Variants in IQSEC1 observed in about 807,000 individuals in gnomAD.
IQSEC1 encodes IQ motif and SEC7 domain-containing protein 1.
Under a neutral mutation model 91.0 loss-of-function variants are expected in IQSEC1, and 31 were observed. The observed-to-expected ratio is 0.34, with a 90% confidence interval of 0.26 to 0.46. The LOEUF is 0.46. Among genes scored for constraint, IQSEC1 ranks in the 20% least tolerant of loss-of-function variants. The pLI, the probability that IQSEC1 is intolerant of heterozygous loss-of-function variation, is 1.00. For synonymous variants in IQSEC1, 699 were observed against 662.6 expected, an observed-to-expected ratio of 1.05 and a Z score of -0.84; for missense variants, 1,388 against 1,575.6, an observed-to-expected ratio of 0.88 and a Z score of 2.02.
chr3:13,071,638 G>A (rs77172598), intron 1 of IQSEC1, among the ~76,000 whole-genome samples: 2,097 of 152,296 alleles, frequency 0.014, 46 homozygotes, highest in African/African-American at 0.047. Context: ...TGCTCTGCTC[G>A]CATCGACAAA....
Position 12,913,550 on chromosome 3 carries a change from G to A in IQSEC1, c.2194C>T (p.Leu732Phe), listed in dbSNP as rs751976525. Residue 732 changes from leucine to phenylalanine, a missense_variant, in exon 9 of 14, where the codon CTC (leucine) becomes TTC (phenylalanine). Coordinates refer to ENST00000613206, the MANE Select transcript of IQSEC1 (RefSeq NM_001134382.3). ...GSLHPGLGCV[L>F]SLPHRRLVCY... is the part of the protein sequence containing the mutation. ...ACCAACCGACGGTGGGGCAGAGAGA[G>A]CACCTGTGTGGGAAGAGGCTGTCCT... 3 of 1,602,650 alleles carry A rather than the reference G, an allele frequency of 1.9e-6. No homozygotes were observed. Among genetic ancestry groups the A allele is most frequent in the East Asian group, 4.5e-5 (2 of 44,272 alleles).
Position 12,924,796 on chromosome 3 carries a change from C to T in IQSEC1, c.1569-54G>A, listed in dbSNP as rs1696968408. ...CCCAGCTGCCCGGCCACCAGCCAGG[C>T]ACCTGGAGGGGATCTCCGCTCAGTG... On this transcript the variant is annotated intron_variant, in intron 3 of 13. Transcript: ENST00000613206. The surrounding 1 kb of genome is among the most constrained non-coding windows in gnomAD (Gnocchi z 6.3). The T allele has an allele frequency of 2.7e-6, 4 of 1,489,494 alleles. No individual in the cohort carries two copies. Among genetic ancestry groups the T allele is most frequent in the Non-Finnish European group, 2.7e-6 (3 of 1,107,714 alleles). The allele number at this position is 1,489,494 out of a possible 1,614,324, so 92.3% of individuals were successfully genotyped here. A position where few individuals can be genotyped will look rare whatever the true frequency, so the allele number is the denominator to read the frequency against.
At chr3:13,237,627 G>A (rs919897694) in intron 1 of IQSEC1, among the ~76,000 whole-genome samples, 1 of 152,236 alleles carries the variant, frequency 6.6e-6, no homozygotes, top group Non-Finnish European at 1.5e-5. Context: ...AAGGCTGCAA[G>A]GCAGGACTCC....
intron 2 of IQSEC1, among the ~76,000 whole-genome samples, chr3:13,141,680 C>T (rs1706801283): frequency 6.6e-6 from 1 of 152,180 alleles, no homozygotes. Context: ...ACTGGGTATC[C>T]CTCAGAGGGA....
In IQSEC1 at chr3:12,935,932, G is replaced by A. The variant is rs181320071; in HGVS notation, c.1084C>T (p.His362Tyr). ...ERQEQRLRVE[H>Y]LPLLTIEPPS... ...GGCTCGATGGTGAGCAGCGGCAGATGCTCCACCCGCAGCCGCTGCTCCTGC... is the reference window on the plus strand; with the variant it reads ...GGCTCGATGGTGAGCAGCGGCAGATACTCCACCCGCAGCCGCTGCTCCTGC... Residue 362 changes from histidine to tyrosine, a missense_variant, in exon 3 of 14, where the codon CAT (histidine) becomes TAT (tyrosine). Around this residue, in one of 2 missense-constraint regions of IQSEC1, gnomAD observed 1,059 missense variants for 1,317.8 expected, o/e 0.80. Transcript: ENST00000613206. The surrounding 1 kb of genome is among the most constrained non-coding windows in gnomAD (Gnocchi z 8.0). 2 of 1,598,948 alleles carry A rather than the reference G, an allele frequency of 1.3e-6. No individual in the cohort carries two copies. The highest frequency in any genetic ancestry group is 1.7e-6 in the Non-Finnish European group (2 of 1,179,342).
chr3:13,061,755 T>A (rs545686222), intron 1 of IQSEC1, among the ~76,000 whole-genome samples: 50 of 152,166 alleles, frequency 3.3e-4, no homozygotes, highest in African/African-American at 1.2e-3. Flanking sequence ...CTCCTCTAAC[T>A]CCAAGCAAAG....
chr3:13,234,230 G>C (rs1694883745), intron 1 of IQSEC1, among the ~76,000 whole-genome samples: 1 of 150,888 alleles, frequency 6.6e-6, no homozygotes, highest in Non-Finnish European at 1.5e-5. Context: ...CCCCGTGTCT[G>C]TGCCTGTGGG....
At position 12,899,934 on chromosome 3, in the gene IQSEC1, AAT is replaced by A; in HGVS notation, c.*1047_*1048del. 2 of 985,064 alleles carry A rather than the reference AAT, an allele frequency of 2.0e-6. No individual in the cohort carries two copies. Among genetic ancestry groups the A allele is most frequent in the Non-Finnish European group, 2.4e-6 (2 of 829,760 alleles). 61.0% of individuals were successfully genotyped at this position (985,064 alleles called of 1,614,324 possible). A position where few individuals can be genotyped will look rare whatever the true frequency, so the allele number is the denominator to read the frequency against. On this transcript the variant is annotated 3_prime_UTR_variant, in exon 14 of 14. Transcript: ENST00000613206. The stretch of plus-strand genomic sequence containing the variant: ...TGGGTGCCCCTCTCGGAGGACTCTG[AAT>A]GAGTGTGCGTCAAATCATATGCGCA...
chr3:12,930,866 A>T (rs116149688), intron 3 of IQSEC1, among the ~76,000 whole-genome samples: 500 of 152,164 alleles, frequency 3.3e-3, no homozygotes, highest in Middle Eastern at 0.02. Flanking sequence ...GGGGGTGAGG[A>T]TAGACTCACC....
chr3:12,926,317 A>C (rs1454090926), intron 3 of IQSEC1, among the ~76,000 whole-genome samples: 1 of 152,084 alleles, frequency 6.6e-6, no homozygotes, highest in Non-Finnish European at 1.5e-5. Context: ...GTCAAAAAAA[A>C]AAAAAACAAA....
At position 13,214,722 on chromosome 3, in the gene IQSEC1, G is replaced by C. The variant is rs75157823; in HGVS notation, c.273-50589C>G. Among the ~76,000 whole-genome samples the C allele has an allele frequency of 0.059, 8,953 of 152,364 alleles. 391 individuals carry two copies. The highest frequency in any genetic ancestry group is 0.093 in the Non-Finnish European group (6,293 of 68,024). ...GGTGGAGCACGGTCTCCAGGGAGCGGTGTTGAGGTCTCAGCTGGGCACCAT... is the reference window on the plus strand; with the variant it reads ...GGTGGAGCACGGTCTCCAGGGAGCGCTGTTGAGGTCTCAGCTGGGCACCAT... On this transcript the variant is annotated intron_variant, in intron 1 of 15. Coordinates refer to the IQSEC1 transcript ENST00000648114. The surrounding 1 kb of genome is among the most constrained non-coding windows in gnomAD (Gnocchi z 4.5).
At chr3:12,951,781 G>A (rs1300719540) in intron 1 of IQSEC1, among the ~76,000 whole-genome samples, 1 of 152,172 alleles carries the variant, frequency 6.6e-6, no homozygotes, top group African/African-American at 2.4e-5. Context: ...TGACCGGGTG[G>A]TGAGGAGGAG....
chr3:13,061,491 C>T (rs2125089206), intron 1 of IQSEC1, among the ~76,000 whole-genome samples: 1 of 152,312 alleles, frequency 6.6e-6, no homozygotes, highest in Non-Finnish European at 1.5e-5. Context: ...CCCAGTGGTG[C>T]AGCTGGATCC....
intron 1 of IQSEC1, among the ~76,000 whole-genome samples, chr3:12,946,378 T>G (rs1368401872): frequency 6.6e-6 from 1 of 152,222 alleles, no homozygotes; most frequent in Non-Finnish European, 1.5e-5. Context: ...GACCAAGGAA[T>G]GGGCCGAGGC....
rs1352658215 is a variant in IQSEC1, at chr3:13,263,411, C to A, written c.272+19300G>T. On this transcript the variant is annotated intron_variant, in intron 1 of 15. Transcript: ENST00000648114. ...CCCTCCTTTGGGGGGAAAAAAGTAC[C>A]TGACACTTTTTTTTTTGGGGGGGGG... 2.2e-5 allele frequency among the ~76,000 whole-genome samples: 3 copies of A among 134,966 alleles called. No homozygotes were observed. The Admixed American group carries it at 2.5e-4, about 11-fold the overall frequency. The allele number at this position is 134,966 out of a possible 152,430, so 88.5% of individuals were successfully genotyped here. A position where few individuals can be genotyped will look rare whatever the true frequency, so the allele number is the denominator to read the frequency against.
rs986381572 is a variant in IQSEC1 at position 12,908,120 on chromosome 3, T to C, written c.2755+229A>G. On this transcript the variant is annotated intron_variant, in intron 12 of 13. Coordinates refer to ENST00000613206, the MANE Select transcript of IQSEC1 (RefSeq NM_001134382.3). The surrounding 1 kb of genome is among the most constrained non-coding windows in gnomAD (Gnocchi z 4.9). ...AAATGGGGGTGACTTCCCCAGCTAA[T>C]TCGTGTGCAATGCCTTTCTTTTTGA... is the stretch of plus-strand genomic sequence containing the variant. 6.6e-6 allele frequency among the ~76,000 whole-genome samples: 1 copy of C among 152,232 alleles called. No homozygotes were observed. Among genetic ancestry groups the C allele is most frequent in the Non-Finnish European group, 1.5e-5 (1 of 68,040 alleles).
chr3:12,908,858 A>G lies in IQSEC1; in HGVS notation c.2579-333T>C, dbSNP rs2125070612. Among the ~76,000 whole-genome samples, 1 of 152,050 alleles carries G rather than the reference A, an allele frequency of 6.6e-6. No individual in the cohort carries two copies. The highest frequency in any genetic ancestry group is 6.5e-5 in the Admixed American group (1 of 15,292). On this transcript the variant is annotated intron_variant, in intron 11 of 13. Coordinates refer to ENST00000613206, the MANE Select transcript of IQSEC1 (RefSeq NM_001134382.3). The surrounding 1 kb of genome is among the most constrained non-coding windows in gnomAD (Gnocchi z 4.9). ...GGTCTTCCACAGAGAGGGCAGTGGT[A>G]GGGAGTCCCATGTGCCTCCAAGGAG... is the stretch of plus-strand genomic sequence containing the variant.
chr3:13,197,146 C>G (rs1694144579), intron 1 of IQSEC1, among the ~76,000 whole-genome samples: 1 of 152,162 alleles, frequency 6.6e-6, no homozygotes, highest in Admixed American at 6.5e-5. Context: ...TCTGCCTCTC[C>G]AGGAGCCTGA....
chr3:13,218,883 C>T (rs1694599612), intron 1 of IQSEC1, among the ~76,000 whole-genome samples: 1 of 152,148 alleles, frequency 6.6e-6, no homozygotes, highest in African/African-American at 2.4e-5. Context: ...CCACCTCTAC[C>T]CCCAGAGGCT....
Sources: allele counts gnomAD v4.1 joint callset (sites outside exome capture counted in the v4.1 genomes callset), GRCh38; gene constraint gnomAD v4.1.1; regional missense constraint gnomAD v4.1.1; non-coding constraint Gnocchi (gnomAD v3.1); transcripts MANE v1.5; gene names NCBI Gene and HGNC (gene_info 2026-07-23, HGNC 2026-07-21).